The following TENM3 variants were observed in gnomAD, a reference collection of about 807,000 sequenced individuals.
The protein encoded by TENM3 is teneurin-3.
TENM3 carries 63 observed loss-of-function variants against 255.1 expected under a neutral mutation model. The ratio of observed to expected loss-of-function variants is 0.25; its 90% CI spans 0.20 to 0.30. The LOEUF is 0.30. Among genes scored for constraint, TENM3 ranks in the 10% least tolerant of loss-of-function variants. TENM3 has a pLI of 1.00. For synonymous variants in TENM3, 1,306 were observed against 1,322.3 expected, an observed-to-expected ratio of 0.99 and a Z score of 0.27; for missense variants, 2,929 against 3,461.1, an observed-to-expected ratio of 0.85 and a Z score of 3.86.
chr4:181,778,623 T>A, the TENM3 span, among the ~76,000 whole-genome samples: 5 of 152,126 alleles, frequency 3.3e-5, no homozygotes, highest in East Asian at 9.6e-4. Context: ...TTGCCTTGAT[T>A]GAGAAATAAA....
chr4:182,289,049 A>T, intron 1 of TENM3, among the ~76,000 whole-genome samples: 1 of 150,986 alleles, frequency 6.6e-6, no homozygotes, highest in Non-Finnish European at 1.5e-5. Context: ...ACACAGCAAG[A>T]CCCTGTCTTG....
the TENM3 span, among the ~76,000 whole-genome samples, chr4:181,914,192 G>A: frequency 6.6e-6 from 1 of 152,168 alleles, no homozygotes; most frequent in Non-Finnish European, 1.5e-5. Context: ...TTGAGGTGAC[G>A]CTCAACTGAC....
intron 1 of TENM3, among the ~76,000 whole-genome samples, chr4:182,245,536 G>A (rs1056836431): frequency 6.6e-6 from 1 of 152,202 alleles, no homozygotes; most frequent in African/African-American, 2.4e-5. Flanking sequence ...AATGAAGGCA[G>A]CGTCGTGGCC....
At chr4:181,881,889 G>C in the TENM3 span, among the ~76,000 whole-genome samples, 1 of 152,110 alleles carries the variant, frequency 6.6e-6, no homozygotes, top group African/African-American at 2.4e-5. Flanking sequence ...CTACTTTTTA[G>C]TTTCAAACTT....
the TENM3 span, among the ~76,000 whole-genome samples, chr4:181,933,017 G>T: frequency 2.0e-5 from 3 of 152,108 alleles, no homozygotes; most frequent in Non-Finnish European, 4.4e-5. Flanking sequence ...CCTCCCAGGG[G>T]GTTGGGGGCA....
chr4:182,103,914 C>T, the TENM3 span, among the ~76,000 whole-genome samples: 1 of 152,100 alleles, frequency 6.6e-6, no homozygotes, highest in Admixed American at 6.5e-5. Context: ...ATCGGGTGTT[C>T]TTTGTATTTG....
chr4:182,758,460 G>C (rs1290316522), intron 22 of TENM3, among the ~76,000 whole-genome samples: 1 of 152,050 alleles, frequency 6.6e-6, no homozygotes. Context: ...AACCCCTGTC[G>C]CTACTCATCA....
intron 1 of TENM3, among the ~76,000 whole-genome samples, chr4:182,163,883 C>A (rs1751521084): frequency 6.6e-6 from 1 of 152,158 alleles, no homozygotes. Flanking sequence ...CAGAAACAAG[C>A]CCTTAGACCC....
chr4:182,171,169 C>T (rs1467378577), intron 1 of TENM3, among the ~76,000 whole-genome samples: 1 of 152,060 alleles, frequency 6.6e-6, no homozygotes, highest in Non-Finnish European at 1.5e-5. Context: ...GGCAGTAACA[C>T]AAAAATATAT....
the TENM3 span, among the ~76,000 whole-genome samples, chr4:181,670,364 T>C: frequency 6.6e-6 from 1 of 152,310 alleles, no homozygotes; most frequent in East Asian, 1.9e-4. Flanking sequence ...AGGTTATTAA[T>C]GTCCCAAAGC....
chr4:181,950,934 C>T, the TENM3 span, among the ~76,000 whole-genome samples: 62 of 151,964 alleles, frequency 4.1e-4, no homozygotes, highest in Admixed American at 2.1e-3. Flanking sequence ...CCCAGCTACT[C>T]GGGAGGCTGA....
the TENM3 span, among the ~76,000 whole-genome samples, chr4:181,501,821 A>G: frequency 2.0e-5 from 3 of 152,240 alleles, no homozygotes; most frequent in Non-Finnish European, 2.9e-5. Context: ...ACTGAATTCA[A>G]TGATTTCAAG....
chr4:182,293,801 C>CAA (rs1761282783), intron 1 of TENM3, among the ~76,000 whole-genome samples: 1 of 152,106 alleles, frequency 6.6e-6, no homozygotes. Flanking sequence ...CCTCCTCAAT[C>CAA]AAAACTCTCT....
chr4:182,763,285 G>A (rs1006915069), intron 22 of TENM3, among the ~76,000 whole-genome samples: 3 of 152,166 alleles, frequency 2.0e-5, no homozygotes, highest in Admixed American at 2.0e-4. Flanking sequence ...AGATGGGGGC[G>A]GGCGCGGTGG....
At chr4:181,673,845 G>GGTGTGTGT in the TENM3 span, among the ~76,000 whole-genome samples, 404 of 137,408 alleles carry the variant, frequency 2.9e-3, 1 homozygote, top group African/African-American at 6.8e-3. Flanking sequence ...AGAAGTGTGT[G>GGTGTGTGT]GTGTGTGTGT....
chr4:182,465,887 A>T (rs185463977), intron 3 of TENM3, among the ~76,000 whole-genome samples: 1 of 152,264 alleles, frequency 6.6e-6, no homozygotes, highest in African/African-American at 2.4e-5. Context: ...TAGTTTTAAC[A>T]TTTTTATTGA....
In TENM3 at chr4:182,789,042, C is replaced by T. The variant is rs367994705; in HGVS notation, c.5305-51C>T. 17 of 1,473,220 alleles carry T rather than the reference C, an allele frequency of 1.2e-5. No individual in the cohort carries two copies. The highest frequency in any genetic ancestry group is 5.3e-5 in the South Asian group (4 of 75,680). 91.3% of individuals were successfully genotyped at this position (1,473,220 alleles called of 1,614,324 possible). On this transcript the variant is annotated intron_variant, in intron 24 of 27. Coordinates refer to ENST00000511685, the MANE Select transcript of TENM3 (RefSeq NM_001080477.4). The surrounding 1 kb of genome is among the most constrained non-coding windows in gnomAD (Gnocchi z 4.4). ...GGTGTTTAAACAATACTGGGGACTC[C>T]GGTGTTGGAATAACATGATTTATTT...
the TENM3 span, among the ~76,000 whole-genome samples, chr4:182,051,463 C>T: frequency 1.3e-5 from 2 of 151,124 alleles, no homozygotes; most frequent in South Asian, 2.1e-4. Context: ...CTGCAACCTC[C>T]GCCTCCTGGG....
At chr4:182,137,969 G>T in the TENM3 span, among the ~76,000 whole-genome samples, 1 of 152,160 alleles carries the variant, frequency 6.6e-6, no homozygotes, top group Non-Finnish European at 1.5e-5. Flanking sequence ...ATTATTTTGT[G>T]TAAGTCCTGA....
Sources: gnomAD v4.1 joint callset for allele counts (sites outside exome capture counted in the v4.1 genomes callset) on GRCh38, gnomAD v4.1.1 for gene constraint, Gnocchi (gnomAD v3.1) non-coding constraint, MANE v1.5 for transcripts, NCBI Gene and HGNC (gene_info 2026-07-23, HGNC 2026-07-21) for gene names.